The following RAPGEF4 variants were observed in gnomAD, a reference collection of about 807,000 sequenced individuals.
RAPGEF4 encodes RAP guanine-nucleotide-exchange factor (GEF) 4.
RAPGEF4 carries 66 observed loss-of-function variants against 147.9 expected under a neutral mutation model. The observed-to-expected ratio is 0.45, with a 90% confidence interval of 0.37 to 0.55. RAPGEF4 has a LOEUF of 0.55. RAPGEF4 is among the 20% of genes least tolerant of loss of function. RAPGEF4 has a pLI of 0.00. For synonymous variants in RAPGEF4, 419 were observed against 442.7 expected, an observed-to-expected ratio of 0.95 and a Z score of 0.67; for missense variants, 1,071 against 1,257.3, an observed-to-expected ratio of 0.85 and a Z score of 2.24.
chr2:173,020,078 A>T (rs919466165), intron 22 of RAPGEF4, among the ~76,000 whole-genome samples: 1 of 152,294 alleles, frequency 6.6e-6, no homozygotes, highest in South Asian at 2.1e-4. Flanking sequence ...TATTAAATGA[A>T]CTAATTTTTT....
At chr2:172,908,884 T>G (rs1203979766) in intron 4 of RAPGEF4, among the ~76,000 whole-genome samples, 2 of 151,932 alleles carry the variant, frequency 1.3e-5, no homozygotes, top group Non-Finnish European at 2.9e-5. Context: ...CCCAACTGAT[T>G]AGCAGTAAGG....
chr2:173,010,158 CAG>C (rs1270365066), intron 17 of RAPGEF4, among the ~76,000 whole-genome samples: 1 of 152,204 alleles, frequency 6.6e-6, no homozygotes, highest in East Asian at 1.9e-4. Flanking sequence ...GCTCTTGAAA[CAG>C]AGATCCTGTG....
chr2:172,747,569 G>A (rs985187641), intron 1 of RAPGEF4, among the ~76,000 whole-genome samples: 21 of 152,114 alleles, frequency 1.4e-4, no homozygotes, highest in African/African-American at 3.9e-4. Context: ...TGGCTCAAGC[G>A]ATCCCTCTGC....
chr2:172,792,048 C>T (rs1409969088), intron 1 of RAPGEF4, among the ~76,000 whole-genome samples: 1 of 152,216 alleles, frequency 6.6e-6, no homozygotes, highest in East Asian at 1.9e-4. Flanking sequence ...CTTATGATTC[C>T]TCCCACGGTC....
intron 10 of RAPGEF4, among the ~76,000 whole-genome samples, chr2:172,980,511 A>G (rs2105637811): frequency 6.6e-6 from 1 of 152,336 alleles, no homozygotes; most frequent in South Asian, 2.1e-4. Context: ...ATGTTCAATA[A>G]AGCAGGAAGG....
intron 3 of RAPGEF4, among the ~76,000 whole-genome samples, chr2:172,803,117 A>T (rs1181199447): frequency 6.6e-6 from 1 of 152,148 alleles, no homozygotes; most frequent in African/African-American, 2.4e-5. Flanking sequence ...TGGATCTACC[A>T]TTCTGGTATC....
chr2:172,753,896 A>ACACACACC, intron 1 of RAPGEF4, among the ~76,000 whole-genome samples: 1 of 151,692 alleles, frequency 6.6e-6, no homozygotes, highest in African/African-American at 2.4e-5. Flanking sequence ...ACACACACAC[A>ACACACACC]CACACCCGAC....
chr2:172,873,597 G>A (rs756956835), intron 4 of RAPGEF4, among the ~76,000 whole-genome samples: 17 of 152,168 alleles, frequency 1.1e-4, no homozygotes, highest in Non-Finnish European at 1.8e-4. Flanking sequence ...TGTTGTTGCC[G>A]TTGACTTTAA....
At chr2:172,824,009 A>G (rs893327926) in intron 4 of RAPGEF4, among the ~76,000 whole-genome samples, 1 of 152,184 alleles carries the variant, frequency 6.6e-6, no homozygotes, top group South Asian at 2.1e-4. Context: ...TATGTGCCTT[A>G]TGAGTTAAAA....
chr2:173,050,251 T>A (rs1686023521), intron 30 of RAPGEF4, among the ~76,000 whole-genome samples: 1 of 152,252 alleles, frequency 6.6e-6, no homozygotes, highest in African/African-American at 2.4e-5. Context: ...TGTGGGAATG[T>A]GTACAATGTA....
intron 6 of RAPGEF4, among the ~76,000 whole-genome samples, chr2:172,934,047 A>G (rs1415736919): frequency 6.6e-6 from 1 of 151,982 alleles, no homozygotes; most frequent in Non-Finnish European, 1.5e-5. Flanking sequence ...CCTCGAGTAA[A>G]TTAATTTTTC....
At position 173,011,848 on chromosome 2, in the gene RAPGEF4, G is replaced by A. The variant is rs559439125; in HGVS notation, c.1659-2616G>A. Among the ~76,000 whole-genome samples, 15 of 115,572 alleles carry A rather than the reference G, an allele frequency of 1.3e-4. 1 individual carries two copies. In the South Asian group the frequency reaches 2.5e-3, roughly 19 times the overall value. 75.8% of individuals were successfully genotyped at this position (115,572 alleles called of 152,430 possible). ...CTTAAAAACCACATTAGCAGACTCC[G>A]TCTCAAAAAAAAAAAAACCACATTA... On this transcript the variant is annotated intron_variant, in intron 17 of 30. Transcript: ENST00000397081.
In RAPGEF4 at chr2:173,036,699, G is replaced by A. The variant is rs1684058386; in HGVS notation, c.2853+7G>A. On this transcript the variant is annotated splice_region_variant and intron_variant, in intron 29 of 30. Transcript: ENST00000397081. Reference sequence around the variant, plus strand: ...AGTAAACTTTGAAAAAATGGTATGTGCAGTATTATAACCTTAACCACAATG... The same window carrying A: ...AGTAAACTTTGAAAAAATGGTATGTACAGTATTATAACCTTAACCACAATG... 6.3e-7 allele frequency: 1 copy of A among 1,595,028 alleles called. No homozygotes were observed. The highest frequency in any genetic ancestry group is 8.6e-7 in the Non-Finnish European group (1 of 1,165,144).
At position 172,753,162 on chromosome 2, in the gene RAPGEF4, C is replaced by T. The variant is rs185850450; in HGVS notation, c.65+17114C>T. Among the ~76,000 whole-genome samples the T allele has an allele frequency of 2.0e-4, 31 of 151,954 alleles. No individual in the cohort carries two copies. The East Asian group carries it at 6.0e-3, about 29-fold the overall frequency. ...GAATAAAAAATGGACATTACTTAGCCCTAGTATTGTTTTGAGTTATATGAA... is the reference window on the plus strand; with the variant it reads ...GAATAAAAAATGGACATTACTTAGCTCTAGTATTGTTTTGAGTTATATGAA... On this transcript the variant is annotated intron_variant, in intron 1 of 30. Coordinates refer to ENST00000397081, the MANE Select transcript of RAPGEF4 (RefSeq NM_007023.4).
chr2:172,885,511 T>G (rs1302478679), intron 4 of RAPGEF4, among the ~76,000 whole-genome samples: 1 of 152,228 alleles, frequency 6.6e-6, no homozygotes, highest in African/African-American at 2.4e-5. Flanking sequence ...AGAAGTGTTT[T>G]ATTGGACTTA....
intron 6 of RAPGEF4, among the ~76,000 whole-genome samples, chr2:172,929,555 T>A (rs147181049): frequency 6.6e-6 from 1 of 152,354 alleles, no homozygotes; most frequent in African/African-American, 2.4e-5. Context: ...TATTGCCAGT[T>A]TTTATAAATG....
intron 17 of RAPGEF4, among the ~76,000 whole-genome samples, chr2:173,003,118 A>G (rs1694101063): frequency 6.6e-6 from 1 of 151,522 alleles, no homozygotes; most frequent in African/African-American, 2.4e-5. Context: ...CCAAGCCCCA[A>G]ACACTGCGCT....
intron 1 of RAPGEF4, among the ~76,000 whole-genome samples, chr2:172,766,323 G>A (rs9287959): frequency 0.013 from 1,980 of 152,170 alleles, 37 homozygotes; most frequent in African/African-American, 0.041. Flanking sequence ...AGGCCAAGAC[G>A]GGCACATCCC....
chr2:173,036,581 G>T, intron 28 of RAPGEF4, 47 bp from the exon 29 acceptor site: 1 of 1,404,128 alleles, frequency 7.1e-7, no homozygotes, highest in South Asian at 1.2e-5. Context: ...TTCTTAGTAT[G>T]ACATATTTCC....
Sources: allele counts gnomAD v4.1 joint callset (sites outside exome capture counted in the v4.1 genomes callset), GRCh38; gene constraint gnomAD v4.1.1; transcripts MANE v1.5; gene names NCBI Gene and HGNC (gene_info 2026-07-23, HGNC 2026-07-21).